Variants in NEB observed in about 807,000 individuals in gnomAD.
The protein encoded by NEB is nemaline myopathy type 2.
NEB carries 512 observed loss-of-function variants against 952.2 expected under a neutral mutation model. That is an observed-to-expected ratio of 0.54 (90% CI 0.50 to 0.58). NEB has a LOEUF of 0.58. NEB is among the 20% of genes least tolerant of loss of function. The probability of loss-of-function intolerance (pLI) is 0.00; values close to 1 mark genes in which losing one functional copy is unlikely to be tolerated. For missense variants in NEB, 8,428 were observed against 9,231.1 expected (o/e 0.91, Z 3.56); for synonymous variants, 2,900 against 3,149.8 (o/e 0.92, Z 2.66).
At chr2:151,490,199 C>G (rs117632493) in intron 180 of NEB, 122 bp from the exon 181 acceptor site, 1 of 1,184,226 alleles carries the variant, frequency 8.4e-7, no homozygotes. Context: ...AAAGAGAAAT[C>G]AAAGAAAATG....
chr2:151,564,295 C>T (rs2096259917), intron 117 of NEB, among the ~76,000 whole-genome samples: 1 of 152,088 alleles, frequency 6.6e-6, no homozygotes, highest in East Asian at 1.9e-4. Flanking sequence ...GCTGGGATTA[C>T]ACGCACGCAC....
rs914051268 is a variant in NEB, at chr2:151,690,794, T to C, written c.2243A>G (p.Lys748Arg). The C allele has an allele frequency of 6.3e-7, 1 of 1,596,032 alleles. No homozygotes were observed. ...AGGAGAATCAGTGACTGCCGTGAAT[T>C]TGGTCTTATCTGGATGAACTTTGTA... ...HTYKVHPDKT[K>R]FTAVTDSPVL... The change falls in exon 24 of 182, where the codon AAA becomes AGA. Residue 748 changes from lysine to arginine, a missense_variant. By Grantham distance (26) the Lys-to-Arg change is conservative. Around this residue, in one of 11 missense-constraint regions of NEB, gnomAD observed 2,851 missense variants for 2,791.5 expected, o/e 1.02. Coordinates refer to ENST00000397345, the MANE Select transcript of NEB (RefSeq NM_001164508.2).
At chr2:151,500,593 CTTTTT>C (rs11428843) in intron 168 of NEB, among the ~76,000 whole-genome samples, 2 of 118,458 alleles carry the variant, frequency 1.7e-5, no homozygotes, top group South Asian at 5.5e-4. Context: ...TTCTTTCTTC[CTTTTT>C]TTTTTTTTTT....
chr2:151,536,617 TA>T (rs1364254258), intron 141 of NEB, among the ~76,000 whole-genome samples: 1 of 152,186 alleles, frequency 6.6e-6, no homozygotes, highest in African/African-American at 2.4e-5. Context: ...GAATATGCCC[TA>T]GAATGAATCT....
chr2:151,654,682 T>C (rs982382594), intron 51 of NEB, among the ~76,000 whole-genome samples: 5 of 152,166 alleles, frequency 3.3e-5, no homozygotes, highest in Admixed American at 6.5e-5. Flanking sequence ...ATACAGAATT[T>C]CCCATTTAGT....
intron 107 of NEB, among the ~76,000 whole-genome samples, chr2:151,572,523 A>AT (rs1456639821): frequency 6.9e-6 from 1 of 144,802 alleles, no homozygotes; most frequent in Admixed American, 7.0e-5. Flanking sequence ...ATATATATAA[A>AT]ATATATATAT....
At position 151,533,508 on chromosome 2, in the gene NEB, A is replaced by G. The variant is rs2092309757; in HGVS notation, c.21351T>C (p.His7117=). Residue 7117 remains histidine (H), a synonymous_variant, in exon 143 of 182, where the codon CAT becomes CAC. Coordinates refer to ENST00000397345, the MANE Select transcript of NEB (RefSeq NM_001164508.2). ...CTGGACGCAGAATTTCATTACATCCATGTTGCAGAAACATCTTGGCACTAG... is the reference window on the plus strand; with the variant it reads ...CTGGACGCAGAATTTCATTACATCCGTGTTGCAGAAACATCTTGGCACTAG... ...YKSSAKMFLQ[H]GCNEILRPDM... is the part of the protein sequence containing the mutation. 1 of 1,549,886 alleles carries G rather than the reference A, an allele frequency of 6.5e-7. No homozygotes were observed. Among genetic ancestry groups the G allele is most frequent in the Non-Finnish European group, 8.7e-7 (1 of 1,145,900 alleles).
At chr2:151,703,007 C>T (rs1306136215) in intron 13 of NEB, among the ~76,000 whole-genome samples, 1 of 152,028 alleles carries the variant, frequency 6.6e-6, no homozygotes, top group Non-Finnish European at 1.5e-5. Context: ...CCGGTTGTTG[C>T]TTTCCATGTT....
rs145062151 is a variant in NEB, at chr2:151,540,650, G to A, written c.20787+47C>T. 2.6e-6 allele frequency: 4 copies of A among 1,527,238 alleles called. No individual in the cohort carries two copies. In the South Asian group the frequency reaches 4.5e-5, roughly 17 times the overall value. 94.6% of individuals were successfully genotyped at this position (1,527,238 alleles called of 1,614,324 possible). Reference sequence around the variant, plus strand: ...GGTAGCAGGGGAAGGTTTTAACAAAGTATTTTTCTTTTTACCCAGTGCCTC... The same window carrying A: ...GGTAGCAGGGGAAGGTTTTAACAAAATATTTTTCTTTTTACCCAGTGCCTC... On this transcript the variant is annotated intron_variant, in intron 137 of 181. Transcript: ENST00000397345.
In NEB at chr2:151,496,923, C is replaced by A; in HGVS notation, c.24393+18G>T. On this transcript the variant is annotated intron_variant, in intron 172 of 181. Coordinates refer to ENST00000397345, the MANE Select transcript of NEB (RefSeq NM_001164508.2). The stretch of plus-strand genomic sequence containing the variant: ...TTTAAAATCAGTAAGTAGTTTTTTT[C>A]TTTTCTTGCCCAAGTACCGAGCTAA... 1.9e-6 allele frequency: 3 copies of A among 1,541,686 alleles called. No individual in the cohort carries two copies. Among genetic ancestry groups the A allele is most frequent in the Non-Finnish European group, 2.6e-6 (3 of 1,137,384 alleles).
At chr2:151,570,728 A>G in intron 107 of NEB, 127 bp from the exon 108 acceptor site, 1 of 783,366 alleles carries the variant, frequency 1.3e-6, no homozygotes, top group Non-Finnish European at 2.2e-6. Flanking sequence ...GTTAAAGAAG[A>G]GCATAGATGA....
At position 151,526,921 on chromosome 2, in the gene NEB, A is replaced by T; in HGVS notation, c.21942T>A (p.Ser7314Arg). The T allele has an allele frequency of 6.3e-7, 1 of 1,584,316 alleles. No homozygotes were observed. The highest frequency in any genetic ancestry group is 8.6e-7 in the Non-Finnish European group (1 of 1,161,720). Reference protein sequence around the residue: ...VLALRNTLIESDLKYKEKHVK... With the variant: ...VLALRNTLIERDLKYKEKHVK... ...ATGGAAGGAACTAGGTACTTACATCACTTTCTATTAAAGTATTCCTGAGGG... is the reference window on the plus strand; with the variant it reads ...ATGGAAGGAACTAGGTACTTACATCTCTTTCTATTAAAGTATTCCTGAGGG... Residue 7314 changes from serine to arginine, a missense_variant, in exon 148 of 182, where the codon AGT (serine) becomes AGA (arginine). This residue lies in a region of NEB where 3,374 missense variants were observed against 3,651.5 expected (regional missense o/e 0.92). Coordinates refer to ENST00000397345, the MANE Select transcript of NEB (RefSeq NM_001164508.2).
intron 130 of NEB, among the ~76,000 whole-genome samples, chr2:151,548,788 A>C (rs1302652751): frequency 6.6e-6 from 1 of 152,228 alleles, no homozygotes; most frequent in Non-Finnish European, 1.5e-5. Flanking sequence ...ACTGATTTTA[A>C]CCAACCATTT....
chr2:151,548,379 A>C lies in NEB; in HGVS notation c.20086T>G (p.Tyr6696Asp), dbSNP rs2094961449. 6.2e-7 allele frequency: 1 copy of C among 1,613,744 alleles called. No individual in the cohort carries two copies. The highest frequency in any genetic ancestry group is 1.3e-5 in the African/African-American group (1 of 75,030). ...TCTTTGGGGCCAAGTGTATACCCATATGCCTTGGTGTGTTCATAGGCTTCT... is the reference window on the plus strand; with the variant it reads ...TCTTTGGGGCCAAGTGTATACCCATCTGCCTTGGTGTGTTCATAGGCTTCT... ...YKEAYEHTKA[Y>D]GYTLGPKDVP... Residue 6696 changes from tyrosine (Y) to aspartate (D), a missense_variant, in exon 131 of 182, where the codon TAT (tyrosine) becomes GAT (aspartate). Tyr to Asp is a radical substitution (Grantham distance 160). Transcript: ENST00000397345.
rs375293033 is a variant in NEB at position 151,619,403 on chromosome 2, G to A, written c.10872+48C>T. 104 of 1,521,772 alleles carry A rather than the reference G, an allele frequency of 6.8e-5. No individual in the cohort carries two copies. In the Middle Eastern group the frequency reaches 1.6e-3, roughly 24 times the overall value. 94.3% of individuals were successfully genotyped at this position (1,521,772 alleles called of 1,614,324 possible). A position where few individuals can be genotyped will look rare whatever the true frequency, so the allele number is the denominator to read the frequency against. The stretch of plus-strand genomic sequence containing the variant: ...GGCACTAGTCAGAACTCACAGACAC[G>A]TTTCAGATCCGCTTTTAACATGCAG... On this transcript the variant is annotated intron_variant, in intron 73 of 181. Coordinates refer to ENST00000397345, the MANE Select transcript of NEB (RefSeq NM_001164508.2).
intron 34 of NEB, among the ~76,000 whole-genome samples, chr2:151,676,901 T>C (rs749035919): frequency 6.6e-6 from 1 of 152,228 alleles, no homozygotes; most frequent in Non-Finnish European, 1.5e-5. Flanking sequence ...GGTAATACAG[T>C]GCCTGGCACA....
chr2:151,688,478 T>C lies in NEB; in HGVS notation c.2311-82A>G, dbSNP rs142368531. The C allele has an allele frequency of 3.6e-4, 385 of 1,073,890 alleles. 2 individuals are homozygous for C. The African/African-American group carries it at 3.7e-3, about 10-fold the overall frequency. The allele number at this position is 1,073,890 out of a possible 1,614,324, so 66.5% of individuals were successfully genotyped here. A position where few individuals can be genotyped will look rare whatever the true frequency, so the allele number is the denominator to read the frequency against. ...GCAGCATATATAGCTAAGGCATTAG[T>C]GCTGTTTTTAGAAAAATGCCTCAAA... On this transcript the variant is annotated intron_variant, in intron 24 of 181. Transcript: ENST00000397345.
At chr2:151,630,030 C>T (rs2098631040) in intron 67 of NEB, among the ~76,000 whole-genome samples, 2 of 151,800 alleles carry the variant, frequency 1.3e-5, no homozygotes, top group Admixed American at 1.3e-4. Context: ...TGTTTAATAT[C>T]TATCTATACG....
rs571444956 is a variant in NEB at position 151,609,830 on chromosome 2, C to A, written c.12309G>T (p.Lys4103Asn). 1 of 1,595,100 alleles carries A rather than the reference C, an allele frequency of 6.3e-7. No homozygotes were observed. Among genetic ancestry groups the A allele is most frequent in the South Asian group, 1.1e-5 (1 of 87,888 alleles). ...GTACATCACTCTGCAGGTCATAGGCCTTTTTTGCTTGGATAATGTCGTTTT... is the reference window on the plus strand; with the variant it reads ...GTACATCACTCTGCAGGTCATAGGCATTTTTTGCTTGGATAATGTCGTTTT... ...PDQNDIIQAK[K>N]AYDLQSDSVY... The change falls in exon 81 of 182, where the codon AAG becomes AAT. Residue 4103 changes from lysine (K) to asparagine (N), a missense_variant. Physicochemically the swap from Lys to Asn is moderately conservative, Grantham distance 94. Coordinates refer to ENST00000397345, the MANE Select transcript of NEB (RefSeq NM_001164508.2).
Sources: allele counts gnomAD v4.1 joint callset (sites outside exome capture counted in the v4.1 genomes callset), GRCh38; gene constraint gnomAD v4.1.1; regional missense constraint gnomAD v4.1.1; transcripts MANE v1.5; gene names NCBI Gene and HGNC (gene_info 2026-07-23, HGNC 2026-07-21).